Variants in MBNL3 observed in about 807,000 individuals in gnomAD.
MBNL3 encodes muscleblind-like protein 3.
A neutral mutation model predicts 24.5 loss-of-function variants in MBNL3; 6 were observed. The observed-to-expected ratio is 0.25, with a 90% CI of 0.13 to 0.48. The LOEUF (loss-of-function observed/expected upper bound fraction) is 0.48, where lower values mean the gene tolerates loss of function less well. MBNL3 is among the 20% of genes least tolerant of loss of function. MBNL3 has a pLI of 0.99. For synonymous variants in MBNL3, 100 were observed against 101.7 expected (o/e 0.98, Z 0.10); for missense variants, 230 against 293.5 (o/e 0.78, Z 1.58).
At position 132,439,957 on chromosome X, in the gene MBNL3, A is replaced by T. The variant is rs185174516; in HGVS notation, c.-346T>A. Among the ~76,000 whole-genome samples, 8 of 111,939 alleles carry T rather than the reference A, an allele frequency of 7.1e-5. No homozygotes were observed. In the East Asian group the frequency reaches 2.2e-3, roughly 31 times the overall value. ...CTGGGCTCTGCAGTTGATGTTTTCA[A>T]TTATTCTTGCAAAAAACATATGCTG... On this transcript the variant is annotated 5_prime_UTR_variant, in exon 2 of 9. The change creates a new upstream start codon in the 5' untranslated region. Transcript: ENST00000370853.
chrX:132,406,297 C>T lies in MBNL3; in HGVS notation c.273G>A (p.Gln91=), dbSNP rs372333572. 71 of 1,210,053 alleles carry T rather than the reference C, an allele frequency of 5.9e-5. No individual in the cohort carries two copies. The highest frequency in any genetic ancestry group is 7.7e-5 in the Non-Finnish European group (69 of 895,163). The change falls in exon 3 of 9, where the codon CAG becomes CAA. Residue 91 remains glutamine, a synonymous_variant. Coordinates refer to ENST00000370853, the MANE Select transcript of MBNL3 (RefSeq NM_001386889.1). ...EINGRNNLIQ[Q]KTAAAMFAQQ... is the part of the protein sequence containing the mutation. ...GGGCGAACATGGCTGCGGCAGTCTT[C>T]TGTTGAATCAGATTGTTCCGCCCAT...
At chrX:132,431,657 A>G (rs920197801) in intron 2 of MBNL3, 10 of 111,769 alleles carry the variant, frequency 8.9e-5, no homozygotes, top group African/African-American at 3.3e-4. Context: ...TGTGGGTACT[A>G]AGTATACTCG....
intron 1 of MBNL3, among the ~76,000 whole-genome samples, chrX:132,448,384 G>T (rs1196045332): frequency 2.7e-5 from 3 of 111,653 alleles, no homozygotes; most frequent in African/African-American, 6.5e-5. Flanking sequence ...GGGTGCATGT[G>T]TCCAGGAATT....
intron 2 of MBNL3, among the ~76,000 whole-genome samples, chrX:132,412,328 G>A (rs779647479): frequency 9.0e-6 from 1 of 111,307 alleles, no homozygotes; most frequent in East Asian, 2.8e-4. Context: ...TGCCCAGGAG[G>A]GCCCTGCATT....
intron 2 of MBNL3, among the ~76,000 whole-genome samples, chrX:132,416,122 C>A (rs887215193): frequency 1.1e-4 from 12 of 111,677 alleles, no homozygotes; most frequent in African/African-American, 3.9e-4. Context: ...CAGCATTATT[C>A]ACAATGGCCG....
intron 1 of MBNL3, among the ~76,000 whole-genome samples, chrX:132,483,168 C>T (rs774920181): frequency 8.9e-6 from 1 of 111,816 alleles, no homozygotes; most frequent in Non-Finnish European, 1.9e-5. Context: ...GGATCACAGA[C>T]AGCAAACAAT....
At chrX:132,437,356 A>T (rs999996267) in intron 2 of MBNL3, among the ~76,000 whole-genome samples, 18 of 112,082 alleles carry the variant, frequency 1.6e-4, no homozygotes, top group African/African-American at 5.5e-4. Context: ...TGAGTTTGTA[A>T]TTTTAAATAA....
intron 1 of MBNL3, among the ~76,000 whole-genome samples, chrX:132,459,115 A>G (rs1341391450): frequency 1.9e-5 from 2 of 103,844 alleles, no homozygotes; most frequent in African/African-American, 7.1e-5. Context: ...TAGATTCTCA[A>G]TAAATACTAG....
intron 1 of MBNL3, among the ~76,000 whole-genome samples, chrX:132,475,899 C>A (rs923113670): frequency 1.8e-5 from 2 of 111,630 alleles, no homozygotes; most frequent in African/African-American, 6.5e-5. Flanking sequence ...AAATTCTATA[C>A]CATTATTCAC....
intron 1 of MBNL3, among the ~76,000 whole-genome samples, chrX:132,440,614 T>C (rs970320137): frequency 9.3e-6 from 1 of 107,169 alleles, no homozygotes; most frequent in African/African-American, 3.4e-5. Context: ...AAAAAAGTCA[T>C]CTGAAAAGAT....
Position 132,372,979 on chromosome X carries a change from T to A in MBNL3, c.*6687A>T, listed in dbSNP as rs1933758262. 9.0e-6 allele frequency: 1 copy of A among 110,988 alleles called. No homozygotes were observed. Among genetic ancestry groups the A allele is most frequent in the Non-Finnish European group, 1.9e-5 (1 of 52,878 alleles). The allele number at this position is 110,988 out of a possible 1,213,427, so 9.1% of individuals were successfully genotyped here. A position where few individuals can be genotyped will look rare whatever the true frequency, so the allele number is the denominator to read the frequency against. On this transcript the variant is annotated 3_prime_UTR_variant, in exon 9 of 9. Transcript: ENST00000370853. Reference sequence around the variant, plus strand: ...AAGAACAAGTAGAAGAGCTGGAAACTGCACAAATTAGTCAAACTAAATATT... The same window carrying A: ...AAGAACAAGTAGAAGAGCTGGAAACAGCACAAATTAGTCAAACTAAATATT...
intron 1 of MBNL3, among the ~76,000 whole-genome samples, chrX:132,454,679 G>C (rs937616972): frequency 1.8e-5 from 2 of 112,060 alleles, no homozygotes; most frequent in African/African-American, 6.5e-5. Context: ...GTATACACAA[G>C]AGCTCTAACC....
At position 132,390,876 on chromosome X, in the gene MBNL3, G is replaced by C; in HGVS notation, c.742C>G (p.Gln248Glu). ...LQARLKAAHH[Q>E]MNHSAASAMA... ...GCAGAGGCAGCTGAATGGTTCATCT[G>C]ATGATGAGCTGCCTTGAGTCTGGCT... Residue 248 changes from glutamine (Q) to glutamate (E), a missense_variant, in exon 5 of 9, where the codon CAG (glutamine) becomes GAG (glutamate). Gln to Glu is a conservative substitution (Grantham distance 29). Coordinates refer to ENST00000370853, the MANE Select transcript of MBNL3 (RefSeq NM_001386889.1). 4.1e-6 allele frequency: 5 copies of C among 1,210,547 alleles called. No individual in the cohort carries two copies. The highest frequency in any genetic ancestry group is 5.6e-6 in the Non-Finnish European group (5 of 894,558).
intron 1 of MBNL3, among the ~76,000 whole-genome samples, chrX:132,467,570 G>A (rs1946956963): frequency 8.9e-6 from 1 of 112,071 alleles, no homozygotes; most frequent in Non-Finnish European, 1.9e-5. Flanking sequence ...ACATTTAACA[G>A]CAATATATTT....
At chrX:132,431,465 T>C (rs1374398777) in intron 2 of MBNL3, 1 of 111,910 alleles carries the variant, frequency 8.9e-6, no homozygotes, top group Non-Finnish European at 1.9e-5. Context: ...CATTGGGAGC[T>C]CCTTCAGACT....
chrX:132,479,501 G>A (rs193044806), intron 1 of MBNL3, among the ~76,000 whole-genome samples: 7 of 111,589 alleles, frequency 6.3e-5, no homozygotes, highest in East Asian at 5.6e-4. Flanking sequence ...TTCATCAGCC[G>A]CTTTTTTGTT....
chrX:132,411,237 A>G, intron 2 of MBNL3: 1 of 753,867 alleles, frequency 1.3e-6, no homozygotes, highest in Non-Finnish European at 1.6e-6. Flanking sequence ...TCCCATACAC[A>G]CATACACAGG....
chrX:132,388,461 G>A (rs747973239), intron 5 of MBNL3, among the ~76,000 whole-genome samples: 9 of 112,309 alleles, frequency 8.0e-5, no homozygotes, highest in Admixed American at 1.9e-4. Context: ...TGGTATAAAC[G>A]GGGAGTGTCC....
At chrX:132,398,052 CA>C (rs924302925) in intron 3 of MBNL3, among the ~76,000 whole-genome samples, 2 of 111,446 alleles carry the variant, frequency 1.8e-5, no homozygotes, top group Non-Finnish European at 3.8e-5. Context: ...GTTCATGGGT[CA>C]AAAGTGAACC....
Sources: allele counts gnomAD v4.1 joint callset (sites outside exome capture counted in the v4.1 genomes callset), GRCh38; gene constraint gnomAD v4.1.1; transcripts MANE v1.5; gene names NCBI Gene and HGNC (gene_info 2026-07-23, HGNC 2026-07-21).